Variants in ZNF138 observed in about 807,000 individuals in gnomAD.
ZNF138 encodes zinc finger protein 138.
A neutral mutation model predicts 33.0 loss-of-function variants in ZNF138; 33 were observed. That is an observed-to-expected ratio of 1.00 (90% CI 0.76 to 1.34). The LOEUF (loss-of-function observed/expected upper bound fraction) is 1.34, where lower values mean the gene tolerates loss of function less well. Ranked by LOEUF, ZNF138 falls within the 40% of genes most tolerant of loss-of-function variation. The pLI is 0.00. For synonymous variants in ZNF138, 139 were observed against 120.4 expected (o/e 1.15, Z -1.01); for missense variants, 360 against 370.8 (o/e 0.97, Z 0.24).
At chr7:64,826,716 C>A (rs1789648482) in intron 3 of ZNF138, among the ~76,000 whole-genome samples, 1 of 152,012 alleles carries the variant, frequency 6.6e-6, no homozygotes, top group South Asian at 2.1e-4. Context: ...ATGGTGTTAT[C>A]TCGGTTCACT....
intron 1 of ZNF138, among the ~76,000 whole-genome samples, chr7:64,808,993 C>A (rs899131293): frequency 7.4e-6 from 1 of 134,374 alleles, no homozygotes. Context: ...TCTTTCTACA[C>A]AGACACGGCA....
the ZNF138 span, among the ~76,000 whole-genome samples, chr7:64,854,105 A>G: frequency 6.6e-6 from 1 of 152,204 alleles, no homozygotes; most frequent in Non-Finnish European, 1.5e-5. Flanking sequence ...AATTGGTTAC[A>G]TTTTCATTGT....
chr7:64,845,925 A>G, the ZNF138 span, among the ~76,000 whole-genome samples: 2 of 152,114 alleles, frequency 1.3e-5, 1 homozygote, highest in African/African-American at 4.8e-5. Context: ...ATCCATCTTG[A>G]GTTGATTTTT....
downstream of ZNF138, among the ~76,000 whole-genome samples, chr7:64,837,061 C>T (rs904683612): frequency 1.3e-5 from 2 of 152,160 alleles, no homozygotes; most frequent in Non-Finnish European, 2.9e-5. Context: ...TAGGGAATGA[C>T]CAGCTTTCCT....
rs1382448890 is a variant in ZNF138 at position 64,833,299 on chromosome 7, A to AC, written c.*1098dup. 6.2e-6 allele frequency: 1 copy of AC among 161,818 alleles called. No individual in the cohort carries two copies. The highest frequency in any genetic ancestry group is 1.4e-5 in the Non-Finnish European group (1 of 73,094). The allele number at this position is 161,818 out of a possible 1,614,324, so 10.0% of individuals were successfully genotyped here. ...TTAACCAATTCTCAAATCTTACTAA[A>AC]CAAAATTAATACTGAAAATGTTACA... is the stretch of plus-strand genomic sequence containing the variant. On this transcript the variant is annotated 3_prime_UTR_variant, in exon 4 of 4. Coordinates refer to ENST00000307355, the MANE Select transcript of ZNF138 (RefSeq NM_001271639.2).
intron 3 of ZNF138, among the ~76,000 whole-genome samples, chr7:64,826,578 G>A (rs1789634581): frequency 6.6e-6 from 1 of 151,852 alleles, no homozygotes; most frequent in Non-Finnish European, 1.5e-5. Flanking sequence ...ACCCAGCCTG[G>A]CCTTAATTTT....
At position 64,831,459 on chromosome 7, in the gene ZNF138, T is replaced by C; in HGVS notation, c.217T>C (p.Ser73Pro). The C allele has an allele frequency of 2.6e-6, 4 of 1,552,154 alleles. No homozygotes were observed. Among genetic ancestry groups the C allele is most frequent in the Non-Finnish European group, 3.5e-6 (4 of 1,154,954 alleles). Residue 73 changes from serine to proline, a missense_variant, in exon 4 of 4, where the codon TCT becomes CCT. Ser to Pro is a moderately conservative substitution (Grantham distance 74, BLOSUM62 -1). Coordinates refer to ENST00000307355, the MANE Select transcript of ZNF138 (RefSeq NM_001271639.2). Reference protein sequence around the residue: ...MVVAKHSALCSRFAQDLWLEQ... With the variant: ...MVVAKHSALCPRFAQDLWLEQ... ...TTTTTTGTTTCTTTCAGCTCTGTGT[T>C]CTCGTTTTGCCCAAGACCTTTGGCT... is the stretch of plus-strand genomic sequence containing the variant.
At chr7:64,834,974 C>A (rs1002318874), downstream of ZNF138, among the ~76,000 whole-genome samples, 10 of 152,170 alleles carry the variant, frequency 6.6e-5, no homozygotes, top group Non-Finnish European at 1.2e-4. Context: ...ATTGAGCTCT[C>A]GGGCGAGGTT....
chr7:64,853,266 C>T, the ZNF138 span: 9 of 1,610,550 alleles, frequency 5.6e-6, no homozygotes, highest in East Asian at 2.0e-4. Context: ...CACTTTGTAG[C>T]CTGTGCCCTT....
chr7:64,832,405 A>G lies in ZNF138; in HGVS notation c.*203A>G, dbSNP rs1790170264. 6.6e-7 allele frequency: 1 copy of G among 1,514,528 alleles called. No individual in the cohort carries two copies. The highest frequency in any genetic ancestry group is 8.8e-7 in the Non-Finnish European group (1 of 1,135,262). The allele number at this position is 1,514,528 out of a possible 1,614,324, so 93.8% of individuals were successfully genotyped here. A position where few individuals can be genotyped will look rare whatever the true frequency, so the allele number is the denominator to read the frequency against. ...GAACATAAGTTAATTCATACTGGAG[A>G]AAAACCCTACAAATGTAAAGAATGT... On this transcript the variant is annotated 3_prime_UTR_variant, in exon 4 of 4. Coordinates refer to ENST00000307355, the MANE Select transcript of ZNF138 (RefSeq NM_001271639.2).
chr7:64,835,516 G>A (rs1365439379), downstream of ZNF138: 1 of 151,974 alleles, frequency 6.6e-6, no homozygotes, highest in Admixed American at 6.6e-5. Context: ...CACCAAGAAG[G>A]ACCAGGGTGG....
chr7:64,847,332 A>ATATATTTTTT, the ZNF138 span, among the ~76,000 whole-genome samples: 1 of 128,136 alleles, frequency 7.8e-6, no homozygotes, highest in Admixed American at 8.3e-5. Context: ...ATATATATAT[A>ATATATTTTTT]TTTTTTTTTT....
chr7:64,823,275 T>A (rs1789315326), intron 3 of ZNF138, among the ~76,000 whole-genome samples: 1 of 152,216 alleles, frequency 6.6e-6, no homozygotes, highest in African/African-American at 2.4e-5. Context: ...CTTTTGCTTT[T>A]AATTCCTAGG....
Position 64,831,557 on chromosome 7 carries a change from A to G in ZNF138, c.315A>G (p.Leu105=). 1 of 1,613,650 alleles carries G rather than the reference A, an allele frequency of 6.2e-7. No homozygotes were observed. Among genetic ancestry groups the G allele is most frequent in the Non-Finnish European group, 8.5e-7 (1 of 1,179,830 alleles). Residue 105 remains leucine (L), a synonymous_variant, in exon 4 of 4, where the codon TTA becomes TTG. Transcript: ENST00000307355. ...SRYGKYGHKN[L]QLRKGCKSVD... Reference sequence around the variant, plus strand: ...ATGGAAAATATGGACATAAGAATTTACAGTTAAGAAAAGGCTGTAAAAGTG... The same window carrying G: ...ATGGAAAATATGGACATAAGAATTTGCAGTTAAGAAAAGGCTGTAAAAGTG...
intron 1 of ZNF138, among the ~76,000 whole-genome samples, chr7:64,810,330 G>T (rs1184044630): frequency 7.0e-6 from 1 of 143,402 alleles, no homozygotes; most frequent in Non-Finnish European, 1.5e-5. Flanking sequence ...GCCTGCAATC[G>T]CAGGCACTCG....
chr7:64,858,068 T>C, the ZNF138 span, among the ~76,000 whole-genome samples: 37 of 152,392 alleles, frequency 2.4e-4, no homozygotes, highest in African/African-American at 8.9e-4. Flanking sequence ...GCCTAGCTTT[T>C]GGTCAAATAT....
At chr7:64,837,432 A>T (rs1790398802), downstream of ZNF138, among the ~76,000 whole-genome samples, 3 of 152,106 alleles carry the variant, frequency 2.0e-5, no homozygotes, top group Admixed American at 6.5e-5. Flanking sequence ...CTCCCTTAAC[A>T]GGGTGAGGTA....
chr7:64,852,872 T>A, the ZNF138 span: 1 of 891,174 alleles, frequency 1.1e-6, no homozygotes, highest in Admixed American at 1.7e-5. Context: ...TAGTACTGTT[T>A]GGCCGCCCAT....
At chr7:64,853,957 C>T in the ZNF138 span, among the ~76,000 whole-genome samples, 1,400 of 151,438 alleles carry the variant, frequency 9.2e-3, 16 homozygotes, top group African/African-American at 0.032. Context: ...GAGCCGAGAT[C>T]GAGTCACTGC....
Sources: allele counts gnomAD v4.1 joint callset (sites outside exome capture counted in the v4.1 genomes callset), GRCh38; gene constraint gnomAD v4.1.1; transcripts MANE v1.5; gene names NCBI Gene and HGNC (gene_info 2026-07-23, HGNC 2026-07-21).